FGD6: variants seen among roughly 807,000 people sequenced by gnomAD.
FGD6 encodes FYVE, RhoGEF and PH domain containing 6, also known as FYVE, RhoGEF and PH domain-containing protein 6.
FGD6 carries 90 observed loss-of-function variants against 149.4 expected under a neutral mutation model. That is an observed-to-expected ratio of 0.60 (90% CI 0.51 to 0.72). The LOEUF (loss-of-function observed/expected upper bound fraction) is 0.72, where lower values mean the gene tolerates loss of function less well. Ranked by LOEUF, FGD6 falls within the 30% of genes least tolerant of loss-of-function variation. FGD6 has a pLI of 0.00. For missense variants in FGD6, 1,437 were observed against 1,684.8 expected (o/e 0.85, Z 2.57); for synonymous variants, 527 against 584.0 (o/e 0.90, Z 1.41).
intron 9 of FGD6, among the ~76,000 whole-genome samples, chr12:95,109,882 AAAC>A (rs1372596940): frequency 1.3e-5 from 2 of 152,226 alleles, no homozygotes; most frequent in East Asian, 1.9e-4. Context: ...AACGAAACAA[AAAC>A]AACAACAGTA....
At chr12:95,119,436 A>G (rs544866800) in intron 8 of FGD6, among the ~76,000 whole-genome samples, 51 of 152,300 alleles carry the variant, frequency 3.3e-4, no homozygotes, top group Non-Finnish European at 5.3e-4. Context: ...AAACCATCCT[A>G]GGGGTATATC....
intron 2 of FGD6, among the ~76,000 whole-genome samples, chr12:95,198,836 A>T (rs1425364332): frequency 6.6e-6 from 1 of 152,144 alleles, no homozygotes; most frequent in East Asian, 1.9e-4. Flanking sequence ...TGGAGTAAAA[A>T]CTGGATTGAT....
chr12:95,199,024 C>T (rs1294183035), intron 2 of FGD6, among the ~76,000 whole-genome samples: 3 of 152,180 alleles, frequency 2.0e-5, no homozygotes, highest in Admixed American at 6.5e-5. Flanking sequence ...TTCCTCACAG[C>T]GGTAACAACA....
intron 2 of FGD6, among the ~76,000 whole-genome samples, chr12:95,198,069 T>A (rs1227125386): frequency 6.6e-6 from 1 of 152,138 alleles, no homozygotes; most frequent in Non-Finnish European, 1.5e-5. Flanking sequence ...GTGAACAAAT[T>A]AAAGACAGAA....
intron 13 of FGD6, among the ~76,000 whole-genome samples, chr12:95,106,597 A>G (rs1878633301): frequency 6.6e-6 from 1 of 152,038 alleles, no homozygotes; most frequent in African/African-American, 2.4e-5. Flanking sequence ...ATTTGGGTTT[A>G]AAAACAAATC....
intron 2 of FGD6, among the ~76,000 whole-genome samples, chr12:95,182,670 T>C (rs1202271964): frequency 6.6e-6 from 1 of 152,262 alleles, no homozygotes; most frequent in East Asian, 1.9e-4. Flanking sequence ...ACAAATTCTA[T>C]TGACTGCTTC....
At chr12:95,169,622 A>T (rs910888105) in intron 3 of FGD6, among the ~76,000 whole-genome samples, 6 of 152,178 alleles carry the variant, frequency 3.9e-5, no homozygotes, top group African/African-American at 1.2e-4. Context: ...TCCTTCCTTT[A>T]TACGATGTAT....
At chr12:95,088,490 T>G (rs370366765) in intron 18 of FGD6, among the ~76,000 whole-genome samples, 1 of 152,146 alleles carries the variant, frequency 6.6e-6, no homozygotes, top group African/African-American at 2.4e-5. Flanking sequence ...TAAAAATATT[T>G]TAAACATTAC....
At chr12:95,113,777 C>T (rs1878915072) in intron 8 of FGD6, 76 bp from the exon 9 acceptor site, 2 of 895,092 alleles carry the variant, frequency 2.2e-6, no homozygotes, top group African/African-American at 1.7e-5. Context: ...TTTTTCAATA[C>T]TTCATTAGTC....
chr12:95,148,817 A>G (rs1281222444), intron 5 of FGD6, among the ~76,000 whole-genome samples: 1 of 53,602 alleles, frequency 1.9e-5, no homozygotes, highest in Non-Finnish European at 3.6e-5. Flanking sequence ...TATTACATAT[A>G]TTATATATAT....
chr12:95,139,926 C>T (rs1339155466), intron 6 of FGD6, among the ~76,000 whole-genome samples: 7 of 152,092 alleles, frequency 4.6e-5, no homozygotes, highest in South Asian at 2.1e-4. Flanking sequence ...CATGAGCCAC[C>T]GTGCTCGGCC....
chr12:95,198,993 G>C (rs938110334), intron 2 of FGD6, among the ~76,000 whole-genome samples: 9 of 152,180 alleles, frequency 5.9e-5, no homozygotes, highest in Non-Finnish European at 1.3e-4. Flanking sequence ...GTGTTCATAT[G>C]CATCTGTGTG....
intron 6 of FGD6, among the ~76,000 whole-genome samples, chr12:95,140,507 C>CGCA (rs1471015065): frequency 6.6e-6 from 1 of 152,052 alleles, no homozygotes; most frequent in Non-Finnish European, 1.5e-5. Context: ...ATCCCAGCTA[C>CGCA]GCAGGAGGCT....
At chr12:95,165,184 G>C (rs1343122266) in intron 3 of FGD6, among the ~76,000 whole-genome samples, 1 of 152,086 alleles carries the variant, frequency 6.6e-6, no homozygotes, top group African/African-American at 2.4e-5. Context: ...AGCTTCCATG[G>C]CTGTACCAAG....
At chr12:95,146,432 C>T (rs140587654) in intron 5 of FGD6, among the ~76,000 whole-genome samples, 15 of 152,248 alleles carry the variant, frequency 9.9e-5, no homozygotes, top group African/African-American at 2.9e-4. Flanking sequence ...TTGACAAAAT[C>T]GGTGAGGATG....
At chr12:95,180,120 A>C (rs933258043) in intron 2 of FGD6, among the ~76,000 whole-genome samples, 1 of 151,872 alleles carries the variant, frequency 6.6e-6, no homozygotes, top group East Asian at 1.9e-4. Context: ...ACAGTGGCAT[A>C]GATCATTCTC....
intron 5 of FGD6, among the ~76,000 whole-genome samples, chr12:95,145,164 T>C (rs111667508): frequency 9.2e-5 from 14 of 152,108 alleles, no homozygotes; most frequent in African/African-American, 3.1e-4. Flanking sequence ...ACTTTTTGTA[T>C]TTTTAGTAGA....
intron 3 of FGD6, among the ~76,000 whole-genome samples, chr12:95,159,049 T>C (rs1184808648): frequency 6.6e-6 from 1 of 152,126 alleles, no homozygotes; most frequent in Non-Finnish European, 1.5e-5. Context: ...AGGCACACTA[T>C]AGATGTGGAA....
At chr12:95,173,687 G>A (rs1446796728) in intron 2 of FGD6, among the ~76,000 whole-genome samples, 1 of 152,064 alleles carries the variant, frequency 6.6e-6, no homozygotes, top group East Asian at 1.9e-4. Context: ...CTGCTTTTCT[G>A]TCGTAAGTCT....
Sources: gnomAD v4.1 joint callset for allele counts (sites outside exome capture counted in the v4.1 genomes callset) on GRCh38, gnomAD v4.1.1 for gene constraint, MANE v1.5 for transcripts, NCBI Gene and HGNC (gene_info 2026-07-23, HGNC 2026-07-21) for gene names.